TRPM7: variants seen among roughly 807,000 people sequenced by gnomAD.
The protein encoded by TRPM7 is LTRPC ion channel family member 7.
A neutral mutation model predicts 229.7 loss-of-function variants in TRPM7; 134 were observed. The observed-to-expected ratio is 0.58, with a 90% CI of 0.51 to 0.67. The LOEUF is 0.67. TRPM7 is among the 30% of genes least tolerant of loss of function. TRPM7 has a pLI of 0.00. For synonymous variants in TRPM7, 699 were observed against 715.2 expected (o/e 0.98, Z 0.36); for missense variants, 1,901 against 2,210.0 (o/e 0.86, Z 2.80).
intron 13 of TRPM7, among the ~76,000 whole-genome samples, chr15:50,614,661 T>G (rs1362977150): frequency 2.2e-5 from 2 of 91,892 alleles, no homozygotes; most frequent in African/African-American, 9.9e-5. Flanking sequence ...CAAGACTTGG[T>G]CTCAAAAAAA....
intron 2 of TRPM7, 86 bp downstream of exon 2, chr15:50,662,881 G>A: frequency 1.1e-6 from 1 of 917,292 alleles, no homozygotes; most frequent in Non-Finnish European, 1.7e-6. Context: ...AATTTATTTA[G>A]TGGTTTTTGT....
At chr15:50,607,079 A>T in intron 20 of TRPM7, 121 bp downstream of exon 20, 1 of 815,238 alleles carries the variant, frequency 1.2e-6, no homozygotes, top group Non-Finnish European at 1.9e-6. Context: ...CACAGGTTCT[A>T]CACTTCTACA....
intron 14 of TRPM7, 104 bp downstream of exon 14, chr15:50,614,019 T>A: frequency 7.4e-7 from 1 of 1,358,988 alleles, no homozygotes; most frequent in African/African-American, 1.5e-5. Context: ...TGTTCAACTT[T>A]ATGACAGTGT....
In TRPM7 at chr15:50,622,540, G is replaced by C. The variant is rs535979795; in HGVS notation, c.1440+1626C>G. Among the ~76,000 whole-genome samples, 153 of 152,200 alleles carry C rather than the reference G, an allele frequency of 1.0e-3. No individual in the cohort carries two copies. In the Middle Eastern group the frequency reaches 0.01, roughly 10 times the overall value. The stretch of plus-strand genomic sequence containing the variant: ...TTTAATTTTTACATCTGTCCACTAG[G>C]GACAGTAAAATGCCAACAAAGTTCA... On this transcript the variant is annotated intron_variant, in intron 12 of 38. Transcript: ENST00000646667.
chr15:50,648,701 A>C lies in TRPM7; in HGVS notation c.307T>G (p.Ser103Ala). 6.2e-7 allele frequency: 1 copy of C among 1,607,728 alleles called. No homozygotes were observed. The highest frequency in any genetic ancestry group is 8.5e-7 in the Non-Finnish European group (1 of 1,176,594). Residue 103 changes from serine to alanine, a missense_variant, in exon 4 of 39, where the codon TCC (serine) becomes GCC (alanine). This residue lies in a region of TRPM7 where 794 missense variants were observed against 881.9 expected (regional missense o/e 0.90). Transcript: ENST00000646667. ...ATGTGACATACCTTAGCTCTGTAGG[A>C]ATGAGAACCCCCTTGAAAATTTATG... ...GVINFQGGSH[S>A]YRAKYVRLSY...
chr15:50,635,664 CA>C lies in TRPM7; in HGVS notation c.833-1109del, dbSNP rs765054880. Among the ~76,000 whole-genome samples, 171 of 56,556 alleles carry C rather than the reference CA, an allele frequency of 3.0e-3. No homozygotes were observed. In the East Asian group the frequency reaches 0.035, roughly 12 times the overall value. 37.1% of individuals were successfully genotyped at this position (56,556 alleles called of 152,430 possible). Reference sequence around the variant, plus strand: ...AGCAACAGAGCAAGACTCCATCTCCCAAAAAAAAAAAAAAAAAAAAAAAAAA... The same window carrying C: ...AGCAACAGAGCAAGACTCCATCTCCCAAAAAAAAAAAAAAAAAAAAAAAAA... On this transcript the variant is annotated intron_variant, in intron 7 of 38. Transcript: ENST00000646667.
intron 1 of TRPM7, among the ~76,000 whole-genome samples, chr15:50,682,719 G>T (rs890764475): frequency 6.6e-6 from 1 of 152,060 alleles, no homozygotes; most frequent in Non-Finnish European, 1.5e-5. Flanking sequence ...AATTCTCCAA[G>T]TCAAACACTG....
intron 3 of TRPM7, among the ~76,000 whole-genome samples, chr15:50,652,328 CAAAAAAAAA>C (rs34122648): frequency 2.9e-5 from 1 of 34,224 alleles, no homozygotes; most frequent in Admixed American, 5.0e-4. Context: ...GACTCCATCT[CAAAAAAAAA>C]AAAAAAAAAA....
intron 28 of TRPM7, among the ~76,000 whole-genome samples, chr15:50,585,050 A>G (rs8032133): frequency 1.1e-5 from 1 of 95,060 alleles, no homozygotes; most frequent in African/African-American, 4.1e-5. Flanking sequence ...TAATTTTTGT[A>G]TTTTTTTTTT....
intron 6 of TRPM7, among the ~76,000 whole-genome samples, chr15:50,638,003 G>T (rs1420623812): frequency 1.3e-5 from 2 of 152,156 alleles, no homozygotes; most frequent in Admixed American, 1.3e-4. Flanking sequence ...GATTACCTGA[G>T]GTCAGGAGTT....
chr15:50,613,982 A>G (rs2060141304), intron 14 of TRPM7, 141 bp from the exon 15 acceptor site: 1 of 1,334,746 alleles, frequency 7.5e-7, no homozygotes, highest in Admixed American at 2.4e-5. Context: ...TGACGACATA[A>G]TATTTCTAAT....
intron 1 of TRPM7, among the ~76,000 whole-genome samples, chr15:50,667,820 T>C (rs2061918096): frequency 6.6e-6 from 1 of 152,200 alleles, no homozygotes; most frequent in Non-Finnish European, 1.5e-5. Context: ...AGTCCAACAG[T>C]GAAATTTGGC....
chr15:50,679,092 T>TC (rs1413930808), intron 1 of TRPM7, among the ~76,000 whole-genome samples: 1 of 150,404 alleles, frequency 6.6e-6, no homozygotes, highest in Non-Finnish European at 1.5e-5. Context: ...CAGGATGGTC[T>TC]CGATCTCTTG....
intron 12 of TRPM7, 78 bp downstream of exon 12, chr15:50,624,088 G>A (rs1380645307): frequency 1.4e-6 from 2 of 1,400,480 alleles, no homozygotes; most frequent in Non-Finnish European, 1.9e-6. Flanking sequence ...TTTATCAATA[G>A]GAATGGCTAT....
chr15:50,591,303 T>G (rs771485503), intron 26 of TRPM7, among the ~76,000 whole-genome samples: 11 of 152,182 alleles, frequency 7.2e-5, no homozygotes, highest in Non-Finnish European at 1.5e-5. Flanking sequence ...TCTTTTCCAG[T>G]TGATTCTAAC....
intron 21 of TRPM7, 29 bp from the exon 22 acceptor site, chr15:50,599,325 CAAGG>C: frequency 6.5e-7 from 1 of 1,542,934 alleles, no homozygotes; most frequent in Non-Finnish European, 8.8e-7. Context: ...TGTTAAAATA[CAAGG>C]AAGTTTAAAC....
chr15:50,627,616 G>C (rs1020375028), intron 11 of TRPM7, among the ~76,000 whole-genome samples: 1 of 152,012 alleles, frequency 6.6e-6, no homozygotes, highest in Non-Finnish European at 1.5e-5. Context: ...GCAAGTATGA[G>C]AGTAGTGAAA....
intron 28 of TRPM7, 98 bp from the exon 29 acceptor site, chr15:50,583,257 C>A: frequency 1.4e-6 from 1 of 708,494 alleles, no homozygotes; most frequent in Non-Finnish European, 2.3e-6. Context: ...GTATAACCTT[C>A]ATAAGATAAC....
At chr15:50,596,020 T>C (rs2140383260) in intron 23 of TRPM7, among the ~76,000 whole-genome samples, 1 of 152,086 alleles carries the variant, frequency 6.6e-6, no homozygotes, top group East Asian at 1.9e-4. Context: ...CGAGGAAAAA[T>C]CCCAGATAAC....
Sources: gnomAD v4.1 joint callset for allele counts (sites outside exome capture counted in the v4.1 genomes callset) on GRCh38, gnomAD v4.1.1 for gene constraint, gnomAD v4.1.1 regional missense constraint, MANE v1.5 for transcripts, NCBI Gene and HGNC (gene_info 2026-07-23, HGNC 2026-07-21) for gene names.